Variants in GPHN observed in about 807,000 individuals in gnomAD.
The protein encoded by GPHN is gephyrin.
In GPHN, 17 loss-of-function variants were observed where a neutral mutation model predicts 95.5. The ratio of observed to expected loss-of-function variants is 0.18; its 90% CI spans 0.12 to 0.27. The LOEUF (loss-of-function observed/expected upper bound fraction) is 0.27. Ranked by LOEUF, GPHN falls within the 10% of genes least tolerant of loss-of-function variation. The probability of loss-of-function intolerance (pLI) is 1.00; values close to 1 mark genes in which losing one functional copy is unlikely to be tolerated. For synonymous variants in GPHN, 320 were observed against 322.5 expected (o/e 0.99, Z 0.08); for missense variants, 660 against 978.1 (o/e 0.67, Z 4.34).
the GPHN span, among the ~76,000 whole-genome samples, chr14:67,243,412 T>C: frequency 6.6e-6 from 1 of 151,474 alleles, no homozygotes; most frequent in African/African-American, 2.4e-5. Context: ...GGCCTCGAAC[T>C]CCTGACCTCA....
At chr14:67,576,391 C>T in the GPHN span, 17 of 1,576,150 alleles carry the variant, frequency 1.1e-5, no homozygotes, top group East Asian at 3.8e-4. This position sits in a 1 kb window ranked among gnomAD's most constrained non-coding sequence, Gnocchi z 4.0. Flanking sequence ...CCGCCCTCTT[C>T]CAGGATACGT....
the GPHN span, among the ~76,000 whole-genome samples, chr14:67,514,181 G>A: frequency 3.9e-5 from 6 of 152,092 alleles, no homozygotes; most frequent in Non-Finnish European, 7.4e-5. Context: ...AGCAGTGCCC[G>A]AACACTCTGC....
chr14:67,306,117 A>G, the GPHN span, among the ~76,000 whole-genome samples: 12 of 152,096 alleles, frequency 7.9e-5, no homozygotes, highest in African/African-American at 2.4e-4. Context: ...CTACAAGTGC[A>G]TGCCACCACA....
At position 66,873,962 on chromosome 14, in the gene GPHN, A is replaced by G. The variant is rs577821729; in HGVS notation, c.295-5977A>G. 3.3e-5 allele frequency among the ~76,000 whole-genome samples: 5 copies of G among 152,292 alleles called. No individual in the cohort carries two copies. In the East Asian group the frequency reaches 9.7e-4, roughly 29 times the overall value. ...GACCCCCATGCCTCCTGACTAGGAA[A>G]CACCTCCCAGCAGGGGTTGACAGAC... On this transcript the variant is annotated intron_variant, in intron 4 of 22. Coordinates refer to ENST00000478722, the MANE Select transcript of GPHN (RefSeq NM_020806.5).
chr14:67,164,853 A>G, intron 19 of GPHN, among the ~76,000 whole-genome samples: 1 of 152,092 alleles, frequency 6.6e-6, no homozygotes, highest in East Asian at 1.9e-4. Context: ...AAACATTATT[A>G]ACTAGAGGGG....
chr14:66,796,024 C>T (rs1203678866), intron 3 of GPHN, among the ~76,000 whole-genome samples: 2 of 152,086 alleles, frequency 1.3e-5, no homozygotes, highest in Non-Finnish European at 2.9e-5. Context: ...TCTTTTTACC[C>T]TCTAACTCCA....
the GPHN span, among the ~76,000 whole-genome samples, chr14:67,268,936 G>A: frequency 1.3e-5 from 2 of 152,154 alleles, no homozygotes; most frequent in African/African-American, 2.4e-5. Context: ...AAATTCAGTG[G>A]ATTTTAGTAT....
intron 1 of GPHN, among the ~76,000 whole-genome samples, chr14:66,650,996 A>G (rs757023071): frequency 2.6e-5 from 4 of 152,208 alleles, no homozygotes; most frequent in Non-Finnish European, 5.9e-5. Context: ...ACATTAAAAT[A>G]CATGCCCTTA....
intron 1 of GPHN, among the ~76,000 whole-genome samples, chr14:66,546,051 C>T (rs927463863): frequency 4.8e-5 from 7 of 146,976 alleles, no homozygotes; most frequent in African/African-American, 7.6e-5. Context: ...ACCTCCCAGA[C>T]GGGGTTGCGG....
the GPHN span, chr14:67,199,117 G>A: frequency 3.1e-6 from 4 of 1,305,220 alleles, no homozygotes; most frequent in Non-Finnish European, 4.4e-6. Flanking sequence ...TACGTGGGGG[G>A]CCTGAATGAG....
chr14:66,713,481 A>G (rs2069866141), intron 2 of GPHN, among the ~76,000 whole-genome samples: 1 of 152,110 alleles, frequency 6.6e-6, no homozygotes, highest in South Asian at 2.1e-4. Flanking sequence ...ATTCTGTTGC[A>G]TTGGCCCGTG....
chr14:67,008,389 G>A (rs1235215320), intron 9 of GPHN, among the ~76,000 whole-genome samples: 1 of 151,528 alleles, frequency 6.6e-6, no homozygotes, highest in Non-Finnish European at 1.5e-5. Context: ...CCGGGAGGTG[G>A]AGGTTGCAGT....
chr14:67,144,253 ATATATATATATATATATATAT>A (rs2080729310), intron 18 of GPHN, among the ~76,000 whole-genome samples: 5 of 46,456 alleles, frequency 1.1e-4, no homozygotes, highest in Non-Finnish European at 2.0e-4. Context: ...AAAAAAAAAT[ATATATATATATATATATATAT>A]ATATATATAT....
intron 1 of GPHN, among the ~76,000 whole-genome samples, chr14:66,609,965 G>A (rs906733229): frequency 1.3e-5 from 2 of 152,064 alleles, no homozygotes; most frequent in East Asian, 3.9e-4. Flanking sequence ...ATCTATTGCT[G>A]GGGAGCTTCT....
the GPHN span, among the ~76,000 whole-genome samples, chr14:67,654,902 G>A: frequency 6.6e-6 from 1 of 151,832 alleles, no homozygotes; most frequent in Non-Finnish European, 1.5e-5. Context: ...GGTGGCAGAC[G>A]CCTGTAGTCC....
chr14:67,730,257 C>T, the GPHN span, among the ~76,000 whole-genome samples: 7 of 152,260 alleles, frequency 4.6e-5, no homozygotes, highest in East Asian at 1.3e-3. Flanking sequence ...CTGGGATTTA[C>T]GCCCTGGCAA....
chr14:67,327,099 C>T, the GPHN span, among the ~76,000 whole-genome samples: 4 of 152,118 alleles, frequency 2.6e-5, no homozygotes, highest in South Asian at 2.1e-4. Context: ...CACTTGAACC[C>T]GGGAGGTGGA....
intron 2 of GPHN, among the ~76,000 whole-genome samples, chr14:66,757,293 A>G (rs1184923758): frequency 2.0e-5 from 3 of 152,280 alleles, no homozygotes; most frequent in Non-Finnish European, 4.4e-5. Flanking sequence ...TCAGAAAAAT[A>G]TGCACAATAG....
chr14:67,235,015 G>A, the GPHN span, among the ~76,000 whole-genome samples: 10 of 151,972 alleles, frequency 6.6e-5, no homozygotes, highest in Non-Finnish European at 1.5e-4. Flanking sequence ...AATTTGCTGA[G>A]CATGGTGGCA....
Sources: allele counts gnomAD v4.1 joint callset (sites outside exome capture counted in the v4.1 genomes callset), GRCh38; gene constraint gnomAD v4.1.1; non-coding constraint Gnocchi (gnomAD v3.1); transcripts MANE v1.5; gene names NCBI Gene and HGNC (gene_info 2026-07-23, HGNC 2026-07-21).